The following PDE4D variants were observed in gnomAD, a reference collection of about 807,000 sequenced individuals.
PDE4D encodes the protein 3',5'-cyclic-AMP phosphodiesterase 4D.
PDE4D carries 24 observed loss-of-function variants against 87.4 expected under a neutral mutation model. That is an observed-to-expected ratio of 0.27 (90% confidence interval 0.20 to 0.39). The LOEUF is 0.39. Ranked by LOEUF, PDE4D falls within the 10% of genes least tolerant of loss-of-function variation. The pLI is 1.00. For missense variants in PDE4D, 714 were observed against 1,041.0 expected, an observed-to-expected ratio of 0.69 and a Z score of 4.32; for synonymous variants, 384 against 383.2, an observed-to-expected ratio of 1.00 and a Z score of -0.02.
chr5:59,898,919 G>A (rs1561835984), intron 3 of PDE4D, among the ~76,000 whole-genome samples: 1 of 152,076 alleles, frequency 6.6e-6, no homozygotes, highest in Non-Finnish European at 1.5e-5. Flanking sequence ...ATAACAATAT[G>A]TTGTCCCTGA....
intron 1 of PDE4D, among the ~76,000 whole-genome samples, chr5:59,323,455 T>C (rs1313156521): frequency 6.6e-6 from 1 of 152,102 alleles, no homozygotes; most frequent in African/African-American, 2.4e-5. Context: ...CCTTCATTAG[T>C]TACAATTTAA....
At chr5:59,314,556 G>A (rs1031430949) in intron 1 of PDE4D, 1 of 152,170 alleles carries the variant, frequency 6.6e-6, no homozygotes, top group South Asian at 2.1e-4. Context: ...CAACAGACTA[G>A]CTCTAGATTA....
chr5:60,124,603 C>G (rs1477601359), intron 2 of PDE4D, among the ~76,000 whole-genome samples: 2 of 152,154 alleles, frequency 1.3e-5, no homozygotes, highest in Non-Finnish European at 2.9e-5. Flanking sequence ...TGTTGCATCA[C>G]TAATTTCCTC....
intron 1 of PDE4D, among the ~76,000 whole-genome samples, chr5:59,255,556 A>T (rs1345551398): frequency 2.0e-5 from 3 of 152,082 alleles, no homozygotes; most frequent in African/African-American, 7.2e-5. Context: ...AAAATCACGA[A>T]ATTATACACC....
intron 1 of PDE4D, among the ~76,000 whole-genome samples, chr5:60,319,748 C>T (rs1008285609): frequency 3.3e-5 from 5 of 152,214 alleles, no homozygotes; most frequent in Admixed American, 6.5e-5. Flanking sequence ...TGGAGGTCCA[C>T]TCCAGACCCT....
chr5:59,003,746 C>G (rs145173015), intron 6 of PDE4D, among the ~76,000 whole-genome samples: 4 of 151,988 alleles, frequency 2.6e-5, no homozygotes, highest in Non-Finnish European at 5.9e-5. Flanking sequence ...GATGAGATGA[C>G]GTATACCAGG....
intron 1 of PDE4D, among the ~76,000 whole-genome samples, chr5:59,217,493 G>A (rs1430078142): frequency 6.6e-5 from 10 of 152,102 alleles, no homozygotes; most frequent in African/African-American, 1.7e-4. Flanking sequence ...CAAATAAACA[G>A]AAGAGGGAAA....
intron 1 of PDE4D, among the ~76,000 whole-genome samples, chr5:59,397,643 T>A (rs1789694033): frequency 8.7e-6 from 1 of 114,400 alleles, no homozygotes. Context: ...GATCCAAAAT[T>A]GACACCCTAA....
intron 3 of PDE4D, among the ~76,000 whole-genome samples, chr5:59,192,309 T>C (rs1013718098): frequency 3.3e-5 from 5 of 152,244 alleles, no homozygotes; most frequent in African/African-American, 1.2e-4. Context: ...TATAATATTA[T>C]ATTTTCAAGC....
chr5:60,223,734 T>C (rs1464567704), intron 1 of PDE4D, among the ~76,000 whole-genome samples: 1 of 152,116 alleles, frequency 6.6e-6, no homozygotes, highest in African/African-American at 2.4e-5. Flanking sequence ...ACTTCACATA[T>C]TTAATTACTA....
rs182101086 is a variant in PDE4D at position 60,404,792 on chromosome 5, C to T, written c.-90+83150G>A. 2.3e-4 allele frequency among the ~76,000 whole-genome samples: 35 copies of T among 152,306 alleles called. No individual in the cohort carries two copies. In the East Asian group the frequency reaches 4.6e-3, roughly 20 times the overall value. Reference sequence around the variant, plus strand: ...CGCTTAACTTCCCTGAAGCAGATTCCGCCAAGAGGGATTGGGCCATGTTGG... The same window carrying T: ...CGCTTAACTTCCCTGAAGCAGATTCTGCCAAGAGGGATTGGGCCATGTTGG... On this transcript the variant is annotated intron_variant, in intron 1 of 16. Coordinates refer to the PDE4D transcript ENST00000502484.
intron 3 of PDE4D, among the ~76,000 whole-genome samples, chr5:59,905,695 ATC>A (rs1177785871): frequency 3.9e-5 from 6 of 152,136 alleles, no homozygotes; most frequent in African/African-American, 1.2e-4. Flanking sequence ...TCAGCACAAT[ATC>A]TGTTACATAA....
intron 1 of PDE4D, among the ~76,000 whole-genome samples, chr5:60,321,186 G>A (rs1562321661): frequency 6.6e-6 from 1 of 152,094 alleles, no homozygotes; most frequent in Non-Finnish European, 1.5e-5. Flanking sequence ...CATGATACAG[G>A]TACAAAAACA....
intron 1 of PDE4D, among the ~76,000 whole-genome samples, chr5:59,815,164 C>G (rs1298246796): frequency 6.6e-6 from 1 of 152,162 alleles, no homozygotes; most frequent in Admixed American, 6.5e-5. Flanking sequence ...AAGTCCCTGG[C>G]CCTCCTATGT....
intron 1 of PDE4D, among the ~76,000 whole-genome samples, chr5:59,705,407 T>C (rs1025825996): frequency 6.6e-6 from 1 of 152,026 alleles, no homozygotes; most frequent in Non-Finnish European, 1.5e-5. Flanking sequence ...AATTTAAAAG[T>C]AAGAAGGCAA....
intron 1 of PDE4D, among the ~76,000 whole-genome samples, chr5:59,291,656 A>G (rs1768029473): frequency 6.6e-6 from 1 of 151,842 alleles, no homozygotes; most frequent in Non-Finnish European, 1.5e-5. Flanking sequence ...ATTATTATGC[A>G]TTGTATGTTT....
chr5:60,309,098 T>A (rs1003506198), intron 1 of PDE4D, among the ~76,000 whole-genome samples: 3 of 152,162 alleles, frequency 2.0e-5, no homozygotes, highest in Admixed American at 1.3e-4. Context: ...GGTGGGAAAC[T>A]GTTAATATTA....
chr5:60,386,612 T>C (rs1561194874), intron 1 of PDE4D, among the ~76,000 whole-genome samples: 1 of 152,208 alleles, frequency 6.6e-6, no homozygotes. Flanking sequence ...CAGTGCAGCA[T>C]TGGGCAGGGG....
intron 1 of PDE4D, among the ~76,000 whole-genome samples, chr5:59,496,178 C>T (rs771875092): frequency 3.7e-4 from 56 of 152,090 alleles, no homozygotes; most frequent in Non-Finnish European, 5.3e-4. Flanking sequence ...CTGCCACGAC[C>T]AAACTCCGCG....
Sources: gnomAD v4.1 joint callset for allele counts (sites outside exome capture counted in the v4.1 genomes callset) on GRCh38, gnomAD v4.1.1 for gene constraint, MANE v1.5 for transcripts, NCBI Gene and HGNC (gene_info 2026-07-23, HGNC 2026-07-21) for gene names.